KPNA1: variants seen among roughly 807,000 people sequenced by gnomAD.
KPNA1 encodes importin subunit alpha-5.
In KPNA1, 10 loss-of-function variants were observed where a neutral mutation model predicts 70.5. That is an observed-to-expected ratio of 0.14 (90% confidence interval 0.09 to 0.24). KPNA1 has a LOEUF of 0.24. Among genes scored for constraint, KPNA1 ranks in the 10% least tolerant of loss-of-function variants. The pLI, the probability that KPNA1 is intolerant of heterozygous loss-of-function variation, is 1.00. For missense variants in KPNA1, 397 were observed against 637.9 expected (o/e 0.62, Z 4.07); for synonymous variants, 192 against 221.9 (o/e 0.87, Z 1.20).
chr3:122,472,045 G>C (rs1344227661), intron 2 of KPNA1, among the ~76,000 whole-genome samples: 1 of 152,170 alleles, frequency 6.6e-6, no homozygotes, highest in Non-Finnish European at 1.5e-5. Context: ...ATCAAGCAGG[G>C]AGAAAACCAG....
Position 122,437,206 on chromosome 3 carries a change from T to C in KPNA1, c.1086A>G (p.Ile362Met). 1 of 1,614,046 alleles carries C rather than the reference T, an allele frequency of 6.2e-7. No individual in the cohort carries two copies. Among genetic ancestry groups the C allele is most frequent in the Non-Finnish European group, 8.5e-7 (1 of 1,179,902 alleles). ...CCCTATTTCCAGCTGTAATATTAGA[T>C]ATCGTCCAACATGCTTCCTTTTTGA... ...ESIKKEACWT[I>M]SNITAGNRAQ... is the part of the protein sequence containing the mutation. Residue 362 changes from isoleucine to methionine, a missense_variant, in exon 11 of 14, where the codon ATA becomes ATG. Physicochemically the swap from Ile to Met is conservative, Grantham distance 10. Coordinates refer to ENST00000344337, the MANE Select transcript of KPNA1 (RefSeq NM_002264.4).
intron 9 of KPNA1, among the ~76,000 whole-genome samples, chr3:122,443,755 GT>G (rs2076097400): frequency 6.6e-6 from 1 of 152,118 alleles, no homozygotes; most frequent in South Asian, 2.1e-4. Flanking sequence ...TACGAATAGG[GT>G]GTGGGTCACA....
At chr3:122,497,069 C>CGT (rs1397624527) in intron 1 of KPNA1, among the ~76,000 whole-genome samples, 2 of 152,184 alleles carry the variant, frequency 1.3e-5, no homozygotes, top group African/African-American at 2.4e-5. Flanking sequence ...ACAGCTTGTA[C>CGT]AACCTTCATC....
chr3:122,507,044 G>A (rs2076898062), intron 1 of KPNA1, among the ~76,000 whole-genome samples: 1 of 152,194 alleles, frequency 6.6e-6, no homozygotes, highest in Non-Finnish European at 1.5e-5. Context: ...TGTTCACAAT[G>A]TATTGAGAAA....
intron 2 of KPNA1, among the ~76,000 whole-genome samples, chr3:122,479,894 T>C (rs1354114283): frequency 6.6e-6 from 1 of 152,122 alleles, no homozygotes; most frequent in Non-Finnish European, 1.5e-5. Context: ...TCCATAACTG[T>C]CAAAACTCAG....
intron 2 of KPNA1, among the ~76,000 whole-genome samples, chr3:122,479,394 A>C (rs1273506007): frequency 1.3e-5 from 2 of 152,216 alleles, no homozygotes; most frequent in East Asian, 3.8e-4. Flanking sequence ...ACAGGAACTC[A>C]TATTCATTGC....
At position 122,442,040 on chromosome 3, in the gene KPNA1, G is replaced by C. The variant is rs1233219727; in HGVS notation, c.994C>G (p.Gln332Glu). The C allele has an allele frequency of 6.2e-7, 1 of 1,609,688 alleles. No individual in the cohort carries two copies. The highest frequency in any genetic ancestry group is 8.5e-7 in the Non-Finnish European group (1 of 1,176,036). Residue 332 changes from glutamine to glutamate, a missense_variant and splice_region_variant, in exon 10 of 14, where the codon CAG (glutamine) becomes GAG (glutamate). Transcript: ENST00000344337. ...NIVTGDDIQT[Q>E]VILNCSALQS... Reference sequence around the variant, plus strand: ...AAAAAGTTACCACTTCTTCATACCTGTGTCTGAATATCATCCCCTGTGACA... The same window carrying C: ...AAAAAGTTACCACTTCTTCATACCTCTGTCTGAATATCATCCCCTGTGACA...
At chr3:122,506,329 AAAGT>A (rs1479458946) in intron 1 of KPNA1, among the ~76,000 whole-genome samples, 2 of 152,232 alleles carry the variant, frequency 1.3e-5, no homozygotes, top group African/African-American at 4.8e-5. Flanking sequence ...AAACTACAAG[AAAGT>A]ATGACTACAA....
intron 2 of KPNA1, among the ~76,000 whole-genome samples, chr3:122,489,065 T>A (rs1172501893): frequency 4.7e-5 from 7 of 148,210 alleles, no homozygotes; most frequent in Non-Finnish European, 3.0e-5. Context: ...TGCGTGTGTG[T>A]GTGTGTGTGT....
chr3:122,472,166 C>G (rs2076450197), intron 2 of KPNA1, among the ~76,000 whole-genome samples: 1 of 152,162 alleles, frequency 6.6e-6, no homozygotes, highest in Admixed American at 6.5e-5. Flanking sequence ...GGATATTCAT[C>G]AAGATAGACC....
intron 1 of KPNA1, among the ~76,000 whole-genome samples, chr3:122,504,171 C>T (rs148682149): frequency 2.0e-5 from 3 of 152,334 alleles, no homozygotes; most frequent in African/African-American, 2.4e-5. Flanking sequence ...TGTAACAAAA[C>T]ACCATCAACT....
chr3:122,455,127 TTAAC>T (rs2076250164), intron 5 of KPNA1, among the ~76,000 whole-genome samples: 2 of 152,230 alleles, frequency 1.3e-5, no homozygotes, highest in Admixed American at 1.3e-4. Flanking sequence ...AGCTTCCAGA[TTAAC>T]TAAAAGGTAG....
At chr3:122,466,140 T>C (rs2076377703) in intron 3 of KPNA1, among the ~76,000 whole-genome samples, 1 of 152,154 alleles carries the variant, frequency 6.6e-6, no homozygotes, top group Admixed American at 6.5e-5. Flanking sequence ...GAAATAATAC[T>C]ACCCTCCCAA....
intron 12 of KPNA1, 97 bp from the exon 13 acceptor site, chr3:122,427,813 T>A (rs755076839): frequency 2.1e-5 from 12 of 579,682 alleles, no homozygotes; most frequent in South Asian, 1.4e-4. Flanking sequence ...TGCAGAGACT[T>A]AAAAAAAAAA....
chr3:122,488,557 A>G (rs1437464238), intron 2 of KPNA1, among the ~76,000 whole-genome samples: 1 of 152,236 alleles, frequency 6.6e-6, no homozygotes, highest in African/African-American at 2.4e-5. Context: ...TTCTGTAGAG[A>G]TACATATTGA....
chr3:122,457,033 T>C (rs1384297014), intron 5 of KPNA1, among the ~76,000 whole-genome samples: 1 of 152,226 alleles, frequency 6.6e-6, no homozygotes, highest in African/African-American at 2.4e-5. Context: ...TATCCACATA[T>C]GTATGAGAGG....
In KPNA1 at chr3:122,492,676, T is replaced by C. The variant is rs74316662; in HGVS notation, c.129+3761A>G. 1.7e-4 allele frequency among the ~76,000 whole-genome samples: 26 copies of C among 152,336 alleles called. No individual in the cohort carries two copies. In the East Asian group the frequency reaches 4.8e-3, roughly 28 times the overall value. ...AGTGACTATCTCATATTGGACAGCATAGCTCAACCATTTTCAAACGTTTCA... is the reference window on the plus strand; with the variant it reads ...AGTGACTATCTCATATTGGACAGCACAGCTCAACCATTTTCAAACGTTTCA... On this transcript the variant is annotated intron_variant, in intron 2 of 13. Transcript: ENST00000344337.
In KPNA1 at chr3:122,493,720, G is replaced by A. The variant is rs116836213; in HGVS notation, c.129+2717C>T. Among the ~76,000 whole-genome samples the A allele has an allele frequency of 6.8e-3, 1,029 of 152,234 alleles. 12 individuals are homozygous for A. Among genetic ancestry groups the A allele is most frequent in the African/African-American group, 0.023 (949 of 41,548 alleles). Reference sequence around the variant, plus strand: ...AAGAACATAGTCTTATACTGAAAGTGCCCTCCTTTACCCTATCACCACACT... The same window carrying A: ...AAGAACATAGTCTTATACTGAAAGTACCCTCCTTTACCCTATCACCACACT... On this transcript the variant is annotated intron_variant, in intron 2 of 13. Coordinates refer to ENST00000344337, the MANE Select transcript of KPNA1 (RefSeq NM_002264.4).
rs1295966484 is a variant in KPNA1 at position 122,423,706 on chromosome 3, A to T, written c.*3279T>A. On this transcript the variant is annotated 3_prime_UTR_variant, in exon 14 of 14. Transcript: ENST00000344337. ...GACGTACAATAGAATTGGTTGACAA[A>T]GTTTGGTTTATAAAATATACTTACA... 1 of 152,654 alleles carries T rather than the reference A, an allele frequency of 6.6e-6. No individual in the cohort carries two copies. The highest frequency in any genetic ancestry group is 2.4e-5 in the African/African-American group (1 of 41,466). The allele number at this position is 152,654 out of a possible 1,614,324, so 9.5% of individuals were successfully genotyped here. A position where few individuals can be genotyped will look rare whatever the true frequency, so the allele number is the denominator to read the frequency against.
Sources: allele counts gnomAD v4.1 joint callset (sites outside exome capture counted in the v4.1 genomes callset), GRCh38; gene constraint gnomAD v4.1.1; transcripts MANE v1.5; gene names NCBI Gene and HGNC (gene_info 2026-07-23, HGNC 2026-07-21).